Variants in UGGT2 observed in about 807,000 individuals in gnomAD.
UGGT2 encodes the protein UDP-glucose glycoprotein glucosyltransferase 2, also known as UDP-glucose:glycoprotein glucosyltransferase 2.
A neutral mutation model predicts 192.1 loss-of-function variants in UGGT2; 180 were observed. The ratio of observed to expected loss-of-function variants is 0.94; its 90% CI spans 0.83 to 1.06. The LOEUF is 1.06. UGGT2 is among the 50% of genes least tolerant of loss of function. The probability of loss-of-function intolerance (pLI) is 0.00; values close to 1 mark genes in which losing one functional copy is unlikely to be tolerated. For missense variants in UGGT2, 1,849 were observed against 1,795.7 expected (o/e 1.03, Z -0.54); for synonymous variants, 580 against 591.0 (o/e 0.98, Z 0.27).
At chr13:96,031,832 T>A in intron 2 of UGGT2, 57 bp downstream of exon 2, 1 of 1,321,182 alleles carries the variant, frequency 7.6e-7, no homozygotes, top group Non-Finnish European at 1.1e-6. Context: ...ATAATAAACA[T>A]TACAATGTGT....
chr13:96,034,730 C>T (rs983929094), intron 1 of UGGT2, among the ~76,000 whole-genome samples: 1 of 152,212 alleles, frequency 6.6e-6, no homozygotes, highest in Non-Finnish European at 1.5e-5. Flanking sequence ...TATGCCTGGT[C>T]GAGCCACAGT....
Position 96,053,192 on chromosome 13 carries a change from C to G in UGGT2, c.121G>C (p.Ala41Pro), listed in dbSNP as rs540894276. The G allele has an allele frequency of 2.6e-6, 4 of 1,523,406 alleles. No homozygotes were observed. In the East Asian group the frequency reaches 1.0e-4, roughly 39 times the overall value. The allele number at this position is 1,523,406 out of a possible 1,614,324, so 94.4% of individuals were successfully genotyped here. A position where few individuals can be genotyped will look rare whatever the true frequency, so the allele number is the denominator to read the frequency against. The change falls in exon 1 of 39, where the codon GCG (alanine) becomes CCG (proline). Residue 41 changes from alanine (A) to proline (P), a missense_variant. By Grantham distance (27) the Ala-to-Pro change is conservative (BLOSUM62 -1). Coordinates refer to ENST00000376747, the MANE Select transcript of UGGT2 (RefSeq NM_020121.4). ...ASKSVTAHLAAKWPETPLLLE... is the reference protein window; with the variant it reads ...ASKSVTAHLAPKWPETPLLLE... ...AGCAGCGGGGTCTCGGGCCACTTCG[C>G]GGCCAAGTGGGCAGTCACCGACTTG... is the stretch of plus-strand genomic sequence containing the variant.
chr13:96,042,727 T>C (rs2053200507), intron 1 of UGGT2, among the ~76,000 whole-genome samples: 1 of 150,274 alleles, frequency 6.7e-6, no homozygotes, highest in Non-Finnish European at 1.5e-5. Flanking sequence ...TAAAATAGAG[T>C]TTCAGCAATA....
chr13:95,996,493 C>T (rs1324115265), intron 6 of UGGT2, among the ~76,000 whole-genome samples: 1 of 144,306 alleles, frequency 6.9e-6, no homozygotes, highest in Admixed American at 7.0e-5. Flanking sequence ...AAGACCGTGT[C>T]TAAAAAAAAA....
At chr13:95,944,844 TTA>T (rs1458913538) in intron 15 of UGGT2, among the ~76,000 whole-genome samples, 4 of 152,040 alleles carry the variant, frequency 2.6e-5, no homozygotes, top group African/African-American at 9.6e-5. Flanking sequence ...TGTTAAAATC[TTA>T]TATATTTTTA....
intron 20 of UGGT2, among the ~76,000 whole-genome samples, chr13:95,913,991 C>A (rs2048591936): frequency 6.6e-6 from 1 of 151,996 alleles, no homozygotes; most frequent in Non-Finnish European, 1.5e-5. Flanking sequence ...GGACGGAAAA[C>A]CAAATACCAC....
intron 20 of UGGT2, among the ~76,000 whole-genome samples, chr13:95,910,394 G>T (rs554761095): frequency 1.3e-5 from 2 of 152,166 alleles, no homozygotes; most frequent in African/African-American, 4.8e-5. Context: ...GATGGAGGAA[G>T]ATCTACCAAG....
At position 95,947,037 on chromosome 13, in the gene UGGT2, G is replaced by A. The variant is rs373870674; in HGVS notation, c.1677C>T (p.His559=). ...AATCACATTTAGTGCATAAACTCAC[G>A]TGTACTATAGAAATAAATGCTTCTG... ...DISEAFISIV[H]MYQKVKKDQN... The change falls in exon 15 of 39, where the codon CAC becomes CAT. Residue 559 remains histidine (H), a splice_region_variant and synonymous_variant. Coordinates refer to ENST00000376747, the MANE Select transcript of UGGT2 (RefSeq NM_020121.4). 5.2e-5 allele frequency: 83 copies of A among 1,587,304 alleles called. No individual in the cohort carries two copies. The East Asian group carries it at 5.8e-4, about 11-fold the overall frequency.
At chr13:95,922,129 T>C (rs1002260754) in intron 20 of UGGT2, among the ~76,000 whole-genome samples, 2 of 152,202 alleles carry the variant, frequency 1.3e-5, no homozygotes, top group Non-Finnish European at 2.9e-5. Flanking sequence ...CATTGATTGA[T>C]AGAATGAGAT....
chr13:95,910,873 A>AAGG (rs2048471189), intron 20 of UGGT2, among the ~76,000 whole-genome samples: 1 of 152,154 alleles, frequency 6.6e-6, no homozygotes, highest in African/African-American at 2.4e-5. Flanking sequence ...AAGAACACAA[A>AAGG]TCACAACAAA....
rs1220268570 is a variant in UGGT2, at chr13:95,934,402, T to C, written c.1977+2522A>G. On this transcript the variant is annotated intron_variant, in intron 17 of 38. Transcript: ENST00000376747. ...TCTAACTGATCAGTGTCCATTTAAG[T>C]CCAGAATTTGTTAGTTTTCTGCCTC... 5.3e-5 allele frequency among the ~76,000 whole-genome samples: 8 copies of C among 152,346 alleles called. 1 individual carries two copies. The South Asian group carries it at 1.7e-3, about 32-fold the overall frequency.
At chr13:95,921,594 G>C (rs749839514) in intron 20 of UGGT2, among the ~76,000 whole-genome samples, 10 of 151,784 alleles carry the variant, frequency 6.6e-5, no homozygotes, top group Non-Finnish European at 1.0e-4. Flanking sequence ...CAAATCAAGA[G>C]GACAAAAACA....
intron 38 of UGGT2, among the ~76,000 whole-genome samples, chr13:95,809,878 C>A (rs1045626785): frequency 2.3e-4 from 35 of 152,270 alleles, no homozygotes; most frequent in South Asian, 8.3e-4. Context: ...TTTTCTTTTT[C>A]TTGAATTATA....
At chr13:95,862,200 C>T (rs1178756663) in intron 31 of UGGT2, among the ~76,000 whole-genome samples, 2 of 152,094 alleles carry the variant, frequency 1.3e-5, no homozygotes, top group Non-Finnish European at 2.9e-5. Flanking sequence ...TCTTACCAAA[C>T]AAGGAGTCAA....
At chr13:95,934,405 A>G (rs2049391934) in intron 17 of UGGT2, among the ~76,000 whole-genome samples, 1 of 152,254 alleles carries the variant, frequency 6.6e-6, no homozygotes, top group Admixed American at 6.5e-5. Context: ...ATTTAAGTCC[A>G]GAATTTGTTA....
At chr13:95,930,622 A>C (rs2049220162) in intron 17 of UGGT2, among the ~76,000 whole-genome samples, 1 of 152,054 alleles carries the variant, frequency 6.6e-6, no homozygotes, top group South Asian at 2.1e-4. Context: ...CTATGTGTCT[A>C]TTTTTGTACC....
chr13:95,880,429 G>A (rs779179726), intron 27 of UGGT2, among the ~76,000 whole-genome samples: 2 of 152,196 alleles, frequency 1.3e-5, no homozygotes, highest in African/African-American at 4.8e-5. Context: ...GGCAGGTGAA[G>A]GCTGAACTTA....
intron 12 of UGGT2, among the ~76,000 whole-genome samples, chr13:95,953,591 A>G (rs1250327170): frequency 6.6e-6 from 1 of 152,242 alleles, no homozygotes; most frequent in Admixed American, 6.5e-5. Flanking sequence ...AGAACTACCA[A>G]CATAAATATA....
chr13:95,944,385 A>C (rs1378255097), intron 15 of UGGT2, among the ~76,000 whole-genome samples: 1 of 152,100 alleles, frequency 6.6e-6, no homozygotes, highest in Non-Finnish European at 1.5e-5. Context: ...CATGGTCTCC[A>C]AATTCTTCAA....
Sources: gnomAD v4.1 joint callset for allele counts (sites outside exome capture counted in the v4.1 genomes callset) on GRCh38, gnomAD v4.1.1 for gene constraint, MANE v1.5 for transcripts, NCBI Gene and HGNC (gene_info 2026-07-23, HGNC 2026-07-21) for gene names.